The following ATRNL1 variants were observed in gnomAD, a reference collection of about 807,000 sequenced individuals.
ATRNL1 encodes attractin-like protein 1.
Under a neutral mutation model 182.7 loss-of-function variants are expected in ATRNL1, and 95 were observed. The ratio of observed to expected loss-of-function variants is 0.52; its 90% CI spans 0.44 to 0.62. The LOEUF (loss-of-function observed/expected upper bound fraction) is 0.62. Ranked by LOEUF, ATRNL1 falls within the 20% of genes least tolerant of loss-of-function variation. The pLI, the probability that ATRNL1 is intolerant of heterozygous loss-of-function variation, is 0.00. For synonymous variants in ATRNL1, 576 were observed against 568.3 expected, an observed-to-expected ratio of 1.01 and a Z score of -0.19; for missense variants, 1,471 against 1,679.5, an observed-to-expected ratio of 0.88 and a Z score of 2.17.
At chr10:115,650,313 T>A (rs2133879147) in intron 26 of ATRNL1, among the ~76,000 whole-genome samples, 1 of 152,254 alleles carries the variant, frequency 6.6e-6, no homozygotes, top group African/African-American at 2.4e-5. Context: ...TTGTTCAACA[T>A]CTTGGTAATT....
chr10:115,306,715 A>C (rs1326921678), intron 17 of ATRNL1, among the ~76,000 whole-genome samples: 1 of 152,008 alleles, frequency 6.6e-6, no homozygotes, highest in Non-Finnish European at 1.5e-5. Flanking sequence ...GATATATCTT[A>C]ATATTTCTTA....
chr10:115,798,371 G>A (rs1407713483), intron 27 of ATRNL1, among the ~76,000 whole-genome samples: 2 of 152,104 alleles, frequency 1.3e-5, no homozygotes, highest in African/African-American at 4.8e-5. Context: ...CTAACTTCCT[G>A]CCTCAAAGCT....
At position 115,948,547 on chromosome 10, in the gene ATRNL1, A is replaced by C. The variant is rs1395049416; in HGVS notation, c.*3768A>C. ...TTCACCTCTAGAGATTTAGATTCAG[A>C]AACACTGGGGTAGGCCCTGGAGAGC... On this transcript the variant is annotated 3_prime_UTR_variant, in exon 29 of 29. Coordinates refer to ENST00000355044, the MANE Select transcript of ATRNL1 (RefSeq NM_207303.4). 1.3e-5 allele frequency: 2 copies of C among 152,224 alleles called. No individual in the cohort carries two copies. Among genetic ancestry groups the C allele is most frequent in the Non-Finnish European group, 2.9e-5 (2 of 68,036 alleles). The allele number at this position is 152,224 out of a possible 1,614,324, so 9.4% of individuals were successfully genotyped here. A position where few individuals can be genotyped will look rare whatever the true frequency, so the allele number is the denominator to read the frequency against.
chr10:115,559,414 TTGTGTGTGTGTGTG>T (rs138709567), intron 26 of ATRNL1, among the ~76,000 whole-genome samples: 21 of 147,666 alleles, frequency 1.4e-4, no homozygotes, highest in African/African-American at 4.2e-4. Flanking sequence ...TTCTTGGTGT[TTGTGTGTGTGTGTG>T]TGTGTGTGTG....
intron 6 of ATRNL1, among the ~76,000 whole-genome samples, chr10:115,163,030 T>G (rs1245227024): frequency 2.9e-5 from 4 of 139,346 alleles, no homozygotes; most frequent in Admixed American, 7.4e-5. Flanking sequence ...GAAAGTGGGG[T>G]GGGGATGGGG....
At position 115,467,214 on chromosome 10, in the gene ATRNL1, A is replaced by G; in HGVS notation, c.3458A>G (p.Asn1153Ser). ...NLDISINASN[N>S]FNLNITWSVG... Reference sequence around the variant, plus strand: ...GATATATCAATTAATGCATCAAACAACTTTAATCTCAACATTACGTGGTCT... The same window carrying G: ...GATATATCAATTAATGCATCAAACAGCTTTAATCTCAACATTACGTGGTCT... The change falls in exon 23 of 29, where the codon AAC becomes AGC. Residue 1153 changes from asparagine to serine, a missense_variant. Asn to Ser is a conservative substitution (Grantham distance 46). Around this residue, in one of 3 missense-constraint regions of ATRNL1, gnomAD observed 437 missense variants for 506.0 expected, o/e 0.86. Transcript: ENST00000355044. The G allele has an allele frequency of 1.9e-6, 3 of 1,605,524 alleles. No homozygotes were observed. The highest frequency in any genetic ancestry group is 2.7e-5 in the African/African-American group (2 of 74,530).
At chr10:115,559,414 TTGTGTGTG>T (rs138709567) in intron 26 of ATRNL1, among the ~76,000 whole-genome samples, 1,869 of 147,658 alleles carry the variant, frequency 0.013, 28 homozygotes, top group African/African-American at 0.03. Context: ...TTCTTGGTGT[TTGTGTGTG>T]TGTGTGTGTG....
At chr10:115,817,230 A>G (rs1239694035) in intron 27 of ATRNL1, among the ~76,000 whole-genome samples, 1 of 152,052 alleles carries the variant, frequency 6.6e-6, no homozygotes, top group Non-Finnish European at 1.5e-5. Flanking sequence ...CCAAGAACAT[A>G]GGTTTTCCTT....
At chr10:115,863,652 G>A (rs958331128) in intron 28 of ATRNL1, among the ~76,000 whole-genome samples, 2 of 152,184 alleles carry the variant, frequency 1.3e-5, no homozygotes, top group African/African-American at 4.8e-5. Flanking sequence ...ATGTATGCAC[G>A]TGTGTTGGTA....
chr10:115,355,857 G>T (rs1564947398), intron 19 of ATRNL1, among the ~76,000 whole-genome samples: 1 of 151,818 alleles, frequency 6.6e-6, no homozygotes, highest in East Asian at 1.9e-4. Flanking sequence ...TTGAATAGTA[G>T]GCTTATCTGA....
intron 28 of ATRNL1, among the ~76,000 whole-genome samples, chr10:115,939,019 C>CAAA (rs1285186014): frequency 6.6e-6 from 1 of 151,944 alleles, no homozygotes; most frequent in East Asian, 1.9e-4. Flanking sequence ...ATTCTCACCA[C>CAAA]AAAAAAAGAT....
intron 21 of ATRNL1, among the ~76,000 whole-genome samples, chr10:115,443,808 T>G (rs1017711178): frequency 7.2e-5 from 11 of 152,104 alleles, no homozygotes; most frequent in African/African-American, 2.7e-4. Context: ...CATTCTGTAT[T>G]TATCTCTTCT....
At chr10:115,905,002 C>T (rs1252761771) in intron 28 of ATRNL1, among the ~76,000 whole-genome samples, 1 of 152,234 alleles carries the variant, frequency 6.6e-6, no homozygotes, top group East Asian at 1.9e-4. Context: ...TGGATGTAGT[C>T]CCTTCAGTGC....
rs569191752 is a variant in ATRNL1, at chr10:115,614,959, GT to G, written c.3795+65432del. Among the ~76,000 whole-genome samples the G allele has an allele frequency of 8.9e-4, 134 of 149,756 alleles. 1 individual carries two copies. The highest frequency in any genetic ancestry group is 1.7e-3 in the Non-Finnish European group (115 of 67,228). On this transcript the variant is annotated intron_variant, in intron 26 of 28. Coordinates refer to ENST00000355044, the MANE Select transcript of ATRNL1 (RefSeq NM_207303.4). ...TATAGCCATAATATTGTTGGGTCTT[GT>G]TTTTTTTTAATCAATTCAGCAGTTC...
chr10:115,680,007 A>G (rs782424092), intron 26 of ATRNL1, among the ~76,000 whole-genome samples: 3 of 152,104 alleles, frequency 2.0e-5, no homozygotes, highest in Non-Finnish European at 4.4e-5. Flanking sequence ...CAAAGACAAC[A>G]TTTAACCAAA....
At chr10:115,440,175 A>G (rs1404734944) in intron 21 of ATRNL1, among the ~76,000 whole-genome samples, 3 of 151,724 alleles carry the variant, frequency 2.0e-5, no homozygotes, top group East Asian at 1.9e-4. Flanking sequence ...TGTTGAGTGC[A>G]TCCTTATTTT....
intron 8 of ATRNL1, among the ~76,000 whole-genome samples, chr10:115,187,942 A>G (rs1323066022): frequency 6.6e-6 from 1 of 151,364 alleles, no homozygotes; most frequent in Non-Finnish European, 1.5e-5. Context: ...GGTCTCCCAA[A>G]GTGCTGGGAT....
chr10:115,133,630 A>G (rs1462573689), intron 5 of ATRNL1, among the ~76,000 whole-genome samples: 2 of 151,954 alleles, frequency 1.3e-5, no homozygotes, highest in Admixed American at 6.6e-5. Context: ...TCAATATTAG[A>G]CAGATCAATA....
At chr10:115,329,971 C>T (rs1855125639) in intron 18 of ATRNL1, among the ~76,000 whole-genome samples, 1 of 151,988 alleles carries the variant, frequency 6.6e-6, no homozygotes, top group African/African-American at 2.4e-5. Context: ...CTCTTACTGC[C>T]TCCCTTTGTG....
Sources: allele counts gnomAD v4.1 joint callset (sites outside exome capture counted in the v4.1 genomes callset), GRCh38; gene constraint gnomAD v4.1.1; regional missense constraint gnomAD v4.1.1; transcripts MANE v1.5; gene names NCBI Gene and HGNC (gene_info 2026-07-23, HGNC 2026-07-21).